The following INO80 variants were observed in gnomAD, a reference collection of about 807,000 sequenced individuals.
INO80 encodes chromatin-remodeling ATPase INO80.
Under a neutral mutation model 203.4 loss-of-function variants are expected in INO80, and 20 were observed. The ratio of observed to expected loss-of-function variants is 0.10; its 90% CI spans 0.07 to 0.14. The LOEUF (loss-of-function observed/expected upper bound fraction) is 0.14, where lower values mean the gene tolerates loss of function less well. INO80 is among the 10% of genes least tolerant of loss of function. INO80 has a pLI of 1.00. For missense variants in INO80, 1,419 were observed against 1,914.4 expected (o/e 0.74, Z 4.83); for synonymous variants, 726 against 685.2 (o/e 1.06, Z -0.93).
Position 41,020,955 on chromosome 15 carries a change from A to C in INO80, c.3219T>G (p.Ala1073=). Residue 1073 remains alanine (A), a synonymous_variant, in exon 26 of 36, where the codon GCT becomes GCG. Transcript: ENST00000648947. ...GAGGTCTGATGCTCCACAGACCTCC[A>C]GCTGGCTCTGGGAAGAACTGTGATC... The part of the protein sequence containing the change: ...NRRSQFFPEP[A]GGLWSIRPQN... 1 of 1,614,188 alleles carries C rather than the reference A, an allele frequency of 6.2e-7. No individual in the cohort carries two copies. Among genetic ancestry groups the C allele is most frequent in the Non-Finnish European group, 8.5e-7 (1 of 1,180,018 alleles).
intron 34 of INO80, 152 bp from the exon 35 acceptor site, chr15:40,983,229 TAGACCACTGAGTC>T: frequency 1.6e-6 from 1 of 609,676 alleles, no homozygotes; most frequent in East Asian, 2.8e-5. Context: ...TAATGATGGC[TAGACCACTGAGTC>T]ACACAGAATA....
chr15:41,054,696 T>C (rs796162231), intron 18 of INO80, among the ~76,000 whole-genome samples: 42 of 152,308 alleles, frequency 2.8e-4, no homozygotes, highest in African/African-American at 1.0e-3. Context: ...TGGAGTGCAA[T>C]GATGCAATCT....
chr15:40,986,432 C>T (rs977834870), intron 31 of INO80, among the ~76,000 whole-genome samples: 2 of 143,412 alleles, frequency 1.4e-5, no homozygotes, highest in Admixed American at 7.7e-5. Flanking sequence ...TCAAGGGATT[C>T]TCCTGCCTCA....
At chr15:41,103,451 G>T (rs1190856204) in intron 1 of INO80, among the ~76,000 whole-genome samples, 1 of 152,100 alleles carries the variant, frequency 6.6e-6, no homozygotes, top group Non-Finnish European at 1.5e-5. Flanking sequence ...GTCCAGTGGC[G>T]CGATCTCAGC....
chr15:41,007,928 C>T (rs2044074205), intron 27 of INO80, among the ~76,000 whole-genome samples: 1 of 152,182 alleles, frequency 6.6e-6, no homozygotes, highest in Admixed American at 6.5e-5. Flanking sequence ...AATCCCAGCA[C>T]TGTGGAAGGT....
chr15:41,049,314 A>C lies in INO80; in HGVS notation c.2549T>G (p.Ile850Ser). The C allele has an allele frequency of 6.2e-7, 1 of 1,613,774 alleles. No individual in the cohort carries two copies. Among genetic ancestry groups the C allele is most frequent in the Non-Finnish European group, 8.5e-7 (1 of 1,179,696 alleles). The change falls in exon 21 of 36, where the codon ATC becomes AGC. Residue 850 changes from isoleucine to serine, a missense_variant. This residue lies in a region of INO80 where 302 missense variants were observed against 345.4 expected (regional missense o/e 0.87). Coordinates refer to ENST00000648947, the MANE Select transcript of INO80 (RefSeq NM_017553.3). ...ISKFIYRHGQ[I>S]RVFNHSRDRW... The stretch of plus-strand genomic sequence containing the variant: ...GTCTCGTGAATGATTGAAGACCCTG[A>C]TCTGTCCATGACGGTAGATAAACTT...
intron 27 of INO80, chr15:41,011,594 T>G (rs537608935): frequency 1.2e-4 from 19 of 152,118 alleles, no homozygotes; most frequent in African/African-American, 2.6e-4. Context: ...TTTTTTTTTT[T>G]GAAAGGAAGT....
chr15:41,010,665 C>T (rs1349462204), intron 27 of INO80, among the ~76,000 whole-genome samples: 1 of 152,134 alleles, frequency 6.6e-6, no homozygotes, highest in Non-Finnish European at 1.5e-5. Context: ...TTAATATATC[C>T]TGTCCATAAC....
chr15:41,064,890 G>C (rs549616049), intron 14 of INO80, among the ~76,000 whole-genome samples: 2 of 151,990 alleles, frequency 1.3e-5, no homozygotes, highest in Non-Finnish European at 2.9e-5. Flanking sequence ...CCAGTTACAC[G>C]GGAGCTTGAG....
chr15:41,007,815 T>C (rs2044071885), intron 27 of INO80, among the ~76,000 whole-genome samples: 1 of 148,184 alleles, frequency 6.7e-6, no homozygotes, highest in African/African-American at 2.5e-5. Context: ...GTTAAAAGGC[T>C]GAATAGAGCG....
chr15:41,034,990 TAA>T (rs1480712406), intron 24 of INO80, among the ~76,000 whole-genome samples: 2 of 152,208 alleles, frequency 1.3e-5, no homozygotes, highest in African/African-American at 4.8e-5. Context: ...CACAAGGAGT[TAA>T]GAGTTTATGA....
At chr15:41,015,844 G>A (rs2044196980) in intron 27 of INO80, among the ~76,000 whole-genome samples, 1 of 148,242 alleles carries the variant, frequency 6.7e-6, no homozygotes. Flanking sequence ...CTACTCGGGA[G>A]ACTGGAGCAG....
chr15:41,066,554 T>C lies in INO80; in HGVS notation c.1782+3016A>G, dbSNP rs558556681. Among the ~76,000 whole-genome samples, 35 of 151,708 alleles carry C rather than the reference T, an allele frequency of 2.3e-4. No individual in the cohort carries two copies. The South Asian group carries it at 3.5e-3, about 15-fold the overall frequency. On this transcript the variant is annotated intron_variant, in intron 14 of 35. Coordinates refer to ENST00000648947, the MANE Select transcript of INO80 (RefSeq NM_017553.3). Reference sequence around the variant, plus strand: ...CTAGGAAAAAAAAAATCAAGCCAACTGCAGTGGCTCGTGCCTATAATCCCA... The same window carrying C: ...CTAGGAAAAAAAAAATCAAGCCAACCGCAGTGGCTCGTGCCTATAATCCCA...
chr15:41,012,438 C>T (rs761556881), intron 27 of INO80, among the ~76,000 whole-genome samples: 23 of 151,912 alleles, frequency 1.5e-4, no homozygotes, highest in South Asian at 4.2e-4. Context: ...TGGTGATGCG[C>T]GCCTGAAATC....
intron 24 of INO80, among the ~76,000 whole-genome samples, chr15:41,030,917 A>T (rs1052441595): frequency 2.0e-5 from 3 of 146,860 alleles, no homozygotes; most frequent in Non-Finnish European, 4.5e-5. Context: ...TGATCCGTCC[A>T]CCTTGGCCTC....
intron 23 of INO80, among the ~76,000 whole-genome samples, chr15:41,046,838 G>T (rs571216719): frequency 6.6e-6 from 1 of 150,930 alleles, no homozygotes; most frequent in South Asian, 2.1e-4. Context: ...GGCTGGTCTT[G>T]AACTCCTGAC....
chr15:41,071,326 A>G (rs1049546127), intron 12 of INO80, among the ~76,000 whole-genome samples: 1 of 151,988 alleles, frequency 6.6e-6, no homozygotes, highest in Non-Finnish European at 1.5e-5. Flanking sequence ...TACATGTGCC[A>G]TGTTGGTGTG....
At chr15:41,000,885 GAA>G (rs1223182460) in intron 28 of INO80, among the ~76,000 whole-genome samples, 1 of 151,956 alleles carries the variant, frequency 6.6e-6, no homozygotes, top group Non-Finnish European at 1.5e-5. Flanking sequence ...GAAAAACTTA[GAA>G]ATACAATGGT....
rs376198405 is a variant in INO80, at chr15:40,980,030, A to C, written c.*193T>G. The stretch of plus-strand genomic sequence containing the variant: ...GCCCTGTGGCCTTCCTCCTACAGGC[A>C]CCCCAGATGCTCCTGATGAGACACA... On this transcript the variant is annotated 3_prime_UTR_variant, in exon 36 of 36. Coordinates refer to ENST00000648947, the MANE Select transcript of INO80 (RefSeq NM_017553.3). The C allele has an allele frequency of 1.8e-4, 108 of 598,542 alleles. 2 individuals carry two copies. Among genetic ancestry groups the C allele is most frequent in the African/African-American group, 1.8e-3 (96 of 53,906 alleles). 37.1% of individuals were successfully genotyped at this position (598,542 alleles called of 1,614,324 possible).
Sources: gnomAD v4.1 joint callset for allele counts (sites outside exome capture counted in the v4.1 genomes callset) on GRCh38, gnomAD v4.1.1 for gene constraint, gnomAD v4.1.1 regional missense constraint, MANE v1.5 for transcripts, NCBI Gene and HGNC (gene_info 2026-07-23, HGNC 2026-07-21) for gene names.